Variants in DGKB observed in about 807,000 individuals in gnomAD.
The protein encoded by DGKB is 90 kDa diacylglycerol kinase.
DGKB carries 67 observed loss-of-function variants against 114.3 expected under a neutral mutation model. The observed-to-expected ratio is 0.59, with a 90% confidence interval of 0.48 to 0.72. The LOEUF (loss-of-function observed/expected upper bound fraction) is 0.72, where lower values mean the gene tolerates loss of function less well. Ranked by LOEUF, DGKB falls within the 30% of genes least tolerant of loss-of-function variation. The pLI is 0.00. For missense variants in DGKB, 907 were observed against 975.2 expected, an observed-to-expected ratio of 0.93 and a Z score of 0.93; for synonymous variants, 398 against 323.1, an observed-to-expected ratio of 1.23 and a Z score of -2.49.
chr7:14,778,827 CT>C (rs1264042936), intron 2 of DGKB, among the ~76,000 whole-genome samples: 5 of 152,266 alleles, frequency 3.3e-5, no homozygotes, highest in African/African-American at 4.8e-5. Context: ...GAAAATATTT[CT>C]TTTTATTTTT....
At chr7:14,862,754 A>C (rs987162639) in intron 1 of DGKB, among the ~76,000 whole-genome samples, 4 of 152,158 alleles carry the variant, frequency 2.6e-5, no homozygotes, top group African/African-American at 4.8e-5. Context: ...AAGAACGCTT[A>C]TAACTTCTCT....
At chr7:14,505,615 A>T (rs1289419070) in intron 20 of DGKB, among the ~76,000 whole-genome samples, 1 of 152,128 alleles carries the variant, frequency 6.6e-6, no homozygotes, top group Non-Finnish European at 1.5e-5. Context: ...CCAATGTAAA[A>T]TTGCCTCCTG....
upstream of DGKB, among the ~76,000 whole-genome samples, chr7:14,905,763 T>C (rs1783672797): frequency 6.6e-6 from 1 of 152,196 alleles, no homozygotes; most frequent in South Asian, 2.1e-4. Flanking sequence ...AGTTCATTCA[T>C]GCGTCTCTAG....
intron 13 of DGKB, among the ~76,000 whole-genome samples, chr7:14,642,601 T>C (rs979237965): frequency 7.2e-5 from 11 of 152,200 alleles, no homozygotes; most frequent in Admixed American, 4.6e-4. Context: ...ATATTTTCTC[T>C]AATTGAATAC....
rs1335905449 is a variant in DGKB at position 14,757,873 on chromosome 7, G to A, written c.71-142C>T. 3 of 519,268 alleles carry A rather than the reference G, an allele frequency of 5.8e-6. No homozygotes were observed. The African/African-American group carries it at 6.0e-5, about 10-fold the overall frequency. The allele number at this position is 519,268 out of a possible 1,614,324, so 32.2% of individuals were successfully genotyped here. A position where few individuals can be genotyped will look rare whatever the true frequency, so the allele number is the denominator to read the frequency against. On this transcript the variant is annotated intron_variant, in intron 2 of 25. Transcript: ENST00000402815. ...AAAACCAACACATAAAATATCTCTTGCCATTTTTGAAAGGCTATTTAATTG... is the reference window on the plus strand; with the variant it reads ...AAAACCAACACATAAAATATCTCTTACCATTTTTGAAAGGCTATTTAATTG...
intron 23 of DGKB, among the ~76,000 whole-genome samples, chr7:14,246,421 T>C (rs12670082): frequency 0.12 from 18,126 of 152,226 alleles, 1,379 homozygotes; most frequent in East Asian, 0.21. Context: ...CAAAAGAAGA[T>C]AATCTAGCTT....
At chr7:14,485,793 A>C (rs1020084180) in intron 20 of DGKB, among the ~76,000 whole-genome samples, 2 of 151,540 alleles carry the variant, frequency 1.3e-5, no homozygotes, top group Non-Finnish European at 2.9e-5. Flanking sequence ...TGGGAGGCTG[A>C]GGCAGGAGAA....
intron 1 of DGKB, among the ~76,000 whole-genome samples, chr7:14,854,467 G>T (rs1025136395): frequency 6.6e-6 from 1 of 152,114 alleles, no homozygotes; most frequent in Non-Finnish European, 1.5e-5. Flanking sequence ...GTTATGGAGT[G>T]GGGGAGATGG....
intron 17 of DGKB, among the ~76,000 whole-genome samples, chr7:14,601,734 T>C (rs1302699095): frequency 6.6e-6 from 1 of 152,172 alleles, no homozygotes; most frequent in Non-Finnish European, 1.5e-5. Flanking sequence ...AGGACATGGA[T>C]ACAATTCGAC....
intron 2 of DGKB, among the ~76,000 whole-genome samples, chr7:14,761,518 A>G (rs967446517): frequency 3.9e-5 from 6 of 152,188 alleles, no homozygotes; most frequent in African/African-American, 9.7e-5. Context: ...TCTGAGTTAC[A>G]TTCTGTCCAA....
chr7:14,689,209 T>TTTTTTTTTTTTTTTTTTTTTTTTTTTTG (rs1822332141), intron 9 of DGKB, among the ~76,000 whole-genome samples: 1 of 123,786 alleles, frequency 8.1e-6, no homozygotes, highest in Non-Finnish European at 1.7e-5. Context: ...ATTTTTTTTT[T>TTTTTTTTTTTTTTTTTTTTTTTTTTTTG]TTTTTTTTTT....
chr7:14,306,007 C>A (rs1247895246), intron 23 of DGKB, among the ~76,000 whole-genome samples: 2 of 151,972 alleles, frequency 1.3e-5, no homozygotes, highest in East Asian at 3.9e-4. Flanking sequence ...AATTCTAGAA[C>A]TTTGAAGATT....
At chr7:14,303,772 G>T (rs922745126) in intron 23 of DGKB, among the ~76,000 whole-genome samples, 5 of 152,088 alleles carry the variant, frequency 3.3e-5, no homozygotes, top group Non-Finnish European at 7.4e-5. Flanking sequence ...CATCTCTTTA[G>T]TTGTGAACAG....
At chr7:14,289,630 GA>G (rs1801421731) in intron 23 of DGKB, among the ~76,000 whole-genome samples, 2 of 149,922 alleles carry the variant, frequency 1.3e-5, no homozygotes, top group African/African-American at 4.9e-5. Context: ...CCATAATAAA[GA>G]AGAATAATAC....
chr7:14,646,226 T>G (rs1812972492), intron 13 of DGKB, among the ~76,000 whole-genome samples: 1 of 152,178 alleles, frequency 6.6e-6, no homozygotes, highest in Non-Finnish European at 1.5e-5. Flanking sequence ...TTATCTATAT[T>G]TGTATCAGAC....
chr7:14,939,350 C>T (rs898609852), intron 1 of DGKB, among the ~76,000 whole-genome samples: 3 of 152,100 alleles, frequency 2.0e-5, no homozygotes, highest in Admixed American at 2.0e-4. Flanking sequence ...AAAAGTAGTG[C>T]TTATCGCATT....
intron 5 of DGKB, among the ~76,000 whole-genome samples, chr7:14,731,432 A>G (rs1165332073): frequency 1.3e-5 from 2 of 152,202 alleles, no homozygotes; most frequent in African/African-American, 4.8e-5. Context: ...AGACATTTAG[A>G]TAAACTTTAA....
chr7:14,519,205 AAATTC>A (rs1789334841), intron 20 of DGKB, among the ~76,000 whole-genome samples: 1 of 152,080 alleles, frequency 6.6e-6, no homozygotes, highest in Non-Finnish European at 1.5e-5. Context: ...TTTAGAGCTA[AAATTC>A]AGAGCTACAA....
At chr7:14,335,311 CT>C (rs1810451232) in intron 23 of DGKB, among the ~76,000 whole-genome samples, 1 of 152,090 alleles carries the variant, frequency 6.6e-6, no homozygotes, top group South Asian at 2.1e-4. Context: ...AAAGGGTAAA[CT>C]TAAAACAAAT....
Sources: gnomAD v4.1 joint callset for allele counts (sites outside exome capture counted in the v4.1 genomes callset) on GRCh38, gnomAD v4.1.1 for gene constraint, MANE v1.5 for transcripts, NCBI Gene and HGNC (gene_info 2026-07-23, HGNC 2026-07-21) for gene names.